The following M1AP variants were observed in gnomAD, a reference collection of about 807,000 sequenced individuals.
M1AP encodes the protein meiosis 1 associated protein.
In M1AP, 39 loss-of-function variants were observed where a neutral mutation model predicts 51.2. The observed-to-expected ratio is 0.76, with a 90% CI of 0.59 to 1.00. The LOEUF (loss-of-function observed/expected upper bound fraction) is 1.00. M1AP is among the 50% of genes least tolerant of loss of function. M1AP has a pLI of 0.00. For missense variants in M1AP, 545 were observed against 641.2 expected, an observed-to-expected ratio of 0.85 and a Z score of 1.62; for synonymous variants, 251 against 249.2, an observed-to-expected ratio of 1.01 and a Z score of -0.07.
intron 1 of M1AP, among the ~76,000 whole-genome samples, chr2:74,646,156 G>C (rs1336040600): frequency 6.6e-6 from 1 of 152,204 alleles, no homozygotes; most frequent in Non-Finnish European, 1.5e-5. Flanking sequence ...CGTCACTGCA[G>C]ATCCATTAGT....
Position 74,576,619 on chromosome 2 carries a change from C to G in M1AP, c.770-1G>C, listed in dbSNP as rs1573083451. 1.2e-6 allele frequency: 2 copies of G among 1,613,904 alleles called. No homozygotes were observed. Among genetic ancestry groups the G allele is most frequent in the Non-Finnish European group, 1.7e-6 (2 of 1,179,846 alleles). On this transcript the variant is annotated splice_acceptor_variant, in intron 5 of 10. Transcript: ENST00000421985. LOFTEE classifies it high-confidence loss of function. ...TCTTGGAGATCACATTTCAGACACACTACAATAAAAGGAGATTACATTTCA... is the reference window on the plus strand; with the variant it reads ...TCTTGGAGATCACATTTCAGACACAGTACAATAAAAGGAGATTACATTTCA...
rs537549475 is a variant in M1AP, at chr2:74,581,804, G to A, written c.639C>T (p.Asp213=). 1.9e-6 allele frequency: 3 copies of A among 1,613,994 alleles called. No homozygotes were observed. Among genetic ancestry groups the A allele is most frequent in the Admixed American group, 1.7e-5 (1 of 60,016 alleles). Residue 213 remains aspartate, a synonymous_variant, in exon 5 of 11, where the codon GAC becomes GAT. Transcript: ENST00000421985. ...AAATCTCCATGCTGACGATATCATT[G>A]TCTATAGTCTGAAGGTCAATGTCAG... ...LGTDIDLQTI[D]NDIVSMEIFF...
chr2:74,579,273 G>A (rs951248549), intron 5 of M1AP, among the ~76,000 whole-genome samples: 1 of 152,216 alleles, frequency 6.6e-6, no homozygotes. Flanking sequence ...AGGAGTTCCT[G>A]GCCTCTGAGG....
intron 1 of M1AP, 134 bp from the exon 2 acceptor site, chr2:74,640,461 C>CTT: frequency 2.9e-6 from 2 of 696,228 alleles, no homozygotes; most frequent in South Asian, 2.1e-5. Context: ...CCAGGCCATC[C>CTT]TATTTTTTTT....
At chr2:74,581,637 A>G (rs766507408) in intron 5 of M1AP, 37 bp downstream of exon 5, 25 of 1,594,428 alleles carry the variant, frequency 1.6e-5, no homozygotes, top group Non-Finnish European at 2.1e-5. Flanking sequence ...CCAGATAAGA[A>G]TAATCATAGC....
At chr2:74,622,207 A>G (rs1403938672) in intron 2 of M1AP, among the ~76,000 whole-genome samples, 1 of 152,140 alleles carries the variant, frequency 6.6e-6, no homozygotes, top group Admixed American at 6.5e-5. Flanking sequence ...TGTCAGGACA[A>G]ATAAAATATT....
intron 7 of M1AP, 97 bp downstream of exon 7, chr2:74,575,341 G>A: frequency 3.8e-6 from 6 of 1,560,044 alleles, no homozygotes; most frequent in Non-Finnish European, 5.2e-6. Context: ...TGAGGGTTGA[G>A]GCAGATTTAG....
intron 4 of M1AP, among the ~76,000 whole-genome samples, chr2:74,583,785 G>C (rs1482065187): frequency 6.6e-6 from 1 of 152,200 alleles, no homozygotes; most frequent in Non-Finnish European, 1.5e-5. Flanking sequence ...AGGGGCTTCA[G>C]TCCAACATAC....
chr2:74,633,526 T>C (rs568425646), intron 2 of M1AP, among the ~76,000 whole-genome samples: 18 of 152,248 alleles, frequency 1.2e-4, no homozygotes, highest in Non-Finnish European at 2.1e-4. Context: ...TAATTATCTA[T>C]CCACTGATCC....
At chr2:74,573,510 G>A (rs1372813529) in intron 7 of M1AP, among the ~76,000 whole-genome samples, 1 of 151,732 alleles carries the variant, frequency 6.6e-6, no homozygotes, top group Non-Finnish European at 1.5e-5. Flanking sequence ...GTGCCACTAT[G>A]CCTGGCTAAT....
At position 74,627,536 on chromosome 2, in the gene M1AP, T is replaced by C. The variant is rs1163600780; in HGVS notation, c.241-12387A>G. ...TAGAATACTTTTATTTTTATTTTTA[T>C]TGTTTTAGTGGTAAAAGATAGATTT... is the stretch of plus-strand genomic sequence containing the variant. On this transcript the variant is annotated intron_variant, in intron 2 of 10. Coordinates refer to ENST00000421985, the MANE Select transcript of M1AP (RefSeq NM_001321739.2). Among the ~76,000 whole-genome samples, 7 of 152,134 alleles carry C rather than the reference T, an allele frequency of 4.6e-5. No homozygotes were observed. In the South Asian group the frequency reaches 1.5e-3, roughly 32 times the overall value.
chr2:74,629,154 TAC>T (rs1682563311), intron 2 of M1AP, among the ~76,000 whole-genome samples: 2 of 152,222 alleles, frequency 1.3e-5, no homozygotes, highest in Admixed American at 1.3e-4. Flanking sequence ...TTTCAGAAGT[TAC>T]AGAGATGAAC....
intron 5 of M1AP, 180 bp from the exon 6 acceptor site, chr2:74,576,798 A>G: frequency 1.6e-6 from 2 of 1,282,680 alleles, no homozygotes; most frequent in Non-Finnish European, 2.1e-6. Flanking sequence ...ACTGGTTTGG[A>G]AAGGGAGAAC....
chr2:74,559,971 A>T (rs981268483), intron 9 of M1AP, among the ~76,000 whole-genome samples, 180 bp downstream of exon 9: 4 of 152,226 alleles, frequency 2.6e-5, no homozygotes, highest in Non-Finnish European at 5.9e-5. Context: ...GCCCTAGCAA[A>T]CAGGCCTCCC....
chr2:74,611,653 A>C (rs2104721952), intron 3 of M1AP, among the ~76,000 whole-genome samples: 1 of 151,852 alleles, frequency 6.6e-6, no homozygotes, highest in Admixed American at 6.6e-5. Flanking sequence ...ACCAACATGG[A>C]GAAACGCCAT....
In M1AP at chr2:74,611,682, A is replaced by G. The variant is rs533615997; in HGVS notation, c.426+3282T>C. ...ACGCCATCTCTACTAAAAATACAAA[A>G]TTAGTCAGGCGTGGTGGCGCATGCC... On this transcript the variant is annotated intron_variant, in intron 3 of 10. Transcript: ENST00000421985. Among the ~76,000 whole-genome samples, 212 of 151,848 alleles carry G rather than the reference A, an allele frequency of 1.4e-3. 2 individuals are homozygous for G. Among genetic ancestry groups the G allele is most frequent in the Non-Finnish European group, 2.1e-3 (140 of 67,958 alleles).
chr2:74,610,263 C>A (rs533696854), intron 3 of M1AP, among the ~76,000 whole-genome samples: 1 of 152,130 alleles, frequency 6.6e-6, no homozygotes, highest in Admixed American at 6.5e-5. Context: ...GCTGCCTTGG[C>A]CTTCCAAAGT....
At chr2:74,617,629 A>G (rs1326321832) in intron 2 of M1AP, among the ~76,000 whole-genome samples, 1 of 152,196 alleles carries the variant, frequency 6.6e-6, no homozygotes, top group African/African-American at 2.4e-5. Flanking sequence ...CCCCCATGAC[A>G]CAAGTTTACT....
At position 74,645,913 on chromosome 2, in the gene M1AP, A is replaced by T. The variant is rs906780875; in HGVS notation, c.-53+2352T>A. On this transcript the variant is annotated intron_variant, in intron 1 of 10. Coordinates refer to ENST00000421985, the MANE Select transcript of M1AP (RefSeq NM_001321739.2). Reference sequence around the variant, plus strand: ...TGGTTCAAGTATATAGATTTCAGTTACTACAGTTTAGTTAATTAACACTAG... The same window carrying T: ...TGGTTCAAGTATATAGATTTCAGTTTCTACAGTTTAGTTAATTAACACTAG... Among the ~76,000 whole-genome samples, 3 of 152,256 alleles carry T rather than the reference A, an allele frequency of 2.0e-5. No individual in the cohort carries two copies. In the East Asian group the frequency reaches 5.8e-4, roughly 29 times the overall value.
Sources: allele counts gnomAD v4.1 joint callset (sites outside exome capture counted in the v4.1 genomes callset), GRCh38; gene constraint gnomAD v4.1.1; transcripts MANE v1.5; gene names NCBI Gene and HGNC (gene_info 2026-07-23, HGNC 2026-07-21).